The following CNTNAP5 variants were observed in gnomAD, a reference collection of about 807,000 sequenced individuals.
CNTNAP5 encodes the protein contactin associated protein family member 5.
A neutral mutation model predicts 150.2 loss-of-function variants in CNTNAP5; 72 were observed. The observed-to-expected ratio is 0.48, with a 90% CI of 0.40 to 0.58. The LOEUF (loss-of-function observed/expected upper bound fraction) is 0.58, where lower values mean the gene tolerates loss of function less well. Ranked by LOEUF, CNTNAP5 falls within the 20% of genes least tolerant of loss-of-function variation. CNTNAP5 has a pLI of 0.00. For missense variants in CNTNAP5, 1,636 were observed against 1,626.2 expected (o/e 1.01, Z -0.10); for synonymous variants, 672 against 619.8 (o/e 1.08, Z -1.25).
chr2:124,460,847 T>C (rs1220945994), intron 6 of CNTNAP5, among the ~76,000 whole-genome samples: 1 of 152,010 alleles, frequency 6.6e-6, no homozygotes, highest in East Asian at 1.9e-4. Context: ...GATCATATGA[T>C]AGAATAGTTA....
At chr2:124,222,697 C>G (rs1686354283) in intron 2 of CNTNAP5, among the ~76,000 whole-genome samples, 1 of 149,100 alleles carries the variant, frequency 6.7e-6, no homozygotes, top group African/African-American at 2.5e-5. Flanking sequence ...ACCATCTTTG[C>G]ATTCTGGAAT....
At chr2:124,297,196 A>T (rs1688455138) in intron 3 of CNTNAP5, among the ~76,000 whole-genome samples, 1 of 152,174 alleles carries the variant, frequency 6.6e-6, no homozygotes, top group Non-Finnish European at 1.5e-5. Context: ...TTTGGTCCAA[A>T]CTCATGGTAT....
chr2:124,907,122 G>GTAAATAC (rs1678554098), intron 22 of CNTNAP5, among the ~76,000 whole-genome samples: 1 of 152,070 alleles, frequency 6.6e-6, no homozygotes, highest in Non-Finnish European at 1.5e-5. Flanking sequence ...AGAAAAGGCA[G>GTAAATAC]TAAATACATT....
At chr2:124,547,103 G>A (rs554144791) in intron 10 of CNTNAP5, among the ~76,000 whole-genome samples, 71 of 151,902 alleles carry the variant, frequency 4.7e-4, no homozygotes, top group African/African-American at 1.6e-3. Context: ...CCTAGAGATA[G>A]CAAATAGACT....
At chr2:124,548,192 G>T (rs1377115287) in intron 10 of CNTNAP5, among the ~76,000 whole-genome samples, 2 of 152,160 alleles carry the variant, frequency 1.3e-5, no homozygotes, top group Non-Finnish European at 2.9e-5. Context: ...ATGTGTAAGG[G>T]TCGTGACATT....
chr2:124,231,023 T>G (rs907854038), intron 2 of CNTNAP5, among the ~76,000 whole-genome samples: 1 of 152,132 alleles, frequency 6.6e-6, no homozygotes, highest in Admixed American at 6.6e-5. Context: ...CCAGTCGAAT[T>G]GTGTATGGTG....
intron 13 of CNTNAP5, among the ~76,000 whole-genome samples, chr2:124,671,087 T>C (rs894912133): frequency 2.6e-5 from 4 of 152,166 alleles, no homozygotes; most frequent in Non-Finnish European, 4.4e-5. Flanking sequence ...TCATTCTTCC[T>C]GTGTAAAAGC....
intron 13 of CNTNAP5, among the ~76,000 whole-genome samples, chr2:124,743,137 C>A (rs1018124179): frequency 6.6e-6 from 1 of 152,106 alleles, no homozygotes; most frequent in African/African-American, 2.4e-5. Flanking sequence ...AATTGTGGAA[C>A]CTCCTTAAGC....
At chr2:124,907,095 T>G (rs899676213) in intron 22 of CNTNAP5, among the ~76,000 whole-genome samples, 1 of 152,138 alleles carries the variant, frequency 6.6e-6, no homozygotes, top group East Asian at 1.9e-4. Flanking sequence ...AACAGAGTTT[T>G]GGGTTGTATG....
chr2:124,650,903 T>C (rs1368691393), intron 13 of CNTNAP5, among the ~76,000 whole-genome samples: 1 of 152,214 alleles, frequency 6.6e-6, no homozygotes, highest in Non-Finnish European at 1.5e-5. Flanking sequence ...TGCATTTAGA[T>C]CTTTGTGAAC....
intron 11 of CNTNAP5, among the ~76,000 whole-genome samples, chr2:124,581,138 C>T (rs922391203): frequency 6.6e-6 from 1 of 152,072 alleles, no homozygotes; most frequent in Non-Finnish European, 1.5e-5. Context: ...GCTGGAGAGG[C>T]GGTAGGAAAC....
At chr2:124,855,050 T>C (rs1677332520) in intron 19 of CNTNAP5, among the ~76,000 whole-genome samples, 1 of 152,000 alleles carries the variant, frequency 6.6e-6, no homozygotes, top group Non-Finnish European at 1.5e-5. Context: ...TGTTCAGGTG[T>C]GTGACTAAGA....
chr2:124,539,030 C>G (rs1695314509), intron 10 of CNTNAP5, among the ~76,000 whole-genome samples: 1 of 152,134 alleles, frequency 6.6e-6, no homozygotes, highest in African/African-American at 2.4e-5. Flanking sequence ...GCACCTGAAG[C>G]CTTTGAATGC....
intron 3 of CNTNAP5, among the ~76,000 whole-genome samples, chr2:124,357,244 C>T (rs1233832765): frequency 6.6e-6 from 1 of 152,086 alleles, no homozygotes; most frequent in Non-Finnish European, 1.5e-5. Flanking sequence ...AATTTTCTCC[C>T]ACTTTTTAGG....
At chr2:124,658,198 C>T (rs887804441) in intron 13 of CNTNAP5, among the ~76,000 whole-genome samples, 4 of 152,164 alleles carry the variant, frequency 2.6e-5, no homozygotes, top group Non-Finnish European at 5.9e-5. Context: ...CACACAGACC[C>T]TGGTGGGAGG....
intron 3 of CNTNAP5, among the ~76,000 whole-genome samples, chr2:124,331,821 C>T (rs1229391442): frequency 6.6e-6 from 1 of 151,970 alleles, no homozygotes; most frequent in Non-Finnish European, 1.5e-5. Context: ...GTGTCTCTCT[C>T]ACTCATCCTC....
intron 7 of CNTNAP5, among the ~76,000 whole-genome samples, chr2:124,478,180 G>A (rs1693686959): frequency 6.6e-6 from 1 of 152,056 alleles, no homozygotes; most frequent in African/African-American, 2.4e-5. Context: ...AATATCAGTA[G>A]CTTTCACCGT....
At chr2:124,228,870 A>T (rs1686538197) in intron 2 of CNTNAP5, among the ~76,000 whole-genome samples, 1 of 152,150 alleles carries the variant, frequency 6.6e-6, no homozygotes. Context: ...TGACCTTCAG[A>T]GCATCAAATC....
chr2:124,915,745 C>A lies in CNTNAP5; in HGVS notation c.*1457C>A, dbSNP rs1158915372. Among the ~76,000 whole-genome samples the A allele has an allele frequency of 6.6e-6, 1 of 152,010 alleles. No homozygotes were observed. The highest frequency in any genetic ancestry group is 1.9e-4 in the East Asian group (1 of 5,144). ...AACAGTCATTCCTTCAAGAAGGCAC[C>A]TTGAGCTCATCCATGGGGTGGCGGT... On this transcript the variant is annotated 3_prime_UTR_variant, in exon 24 of 24. Transcript: ENST00000682447.
Sources: gnomAD v4.1 joint callset for allele counts (sites outside exome capture counted in the v4.1 genomes callset) on GRCh38, gnomAD v4.1.1 for gene constraint, MANE v1.5 for transcripts, NCBI Gene and HGNC (gene_info 2026-07-23, HGNC 2026-07-21) for gene names.